C2orf78: variants seen among roughly 807,000 people sequenced by gnomAD.
C2orf78 encodes the protein chromosome 2 open reading frame 78.
Under a neutral mutation model 21.4 loss-of-function variants are expected in C2orf78, and 12 were observed. That is an observed-to-expected ratio of 0.56 (90% CI 0.36 to 0.91). The LOEUF (loss-of-function observed/expected upper bound fraction) is 0.91, where lower values mean the gene tolerates loss of function less well. Ranked by LOEUF, C2orf78 falls within the 40% of genes least tolerant of loss-of-function variation. The pLI, the probability that C2orf78 is intolerant of heterozygous loss-of-function variation, is 0.01. For missense variants in C2orf78, 1,042 were observed against 1,092.4 expected (o/e 0.95, Z 0.65); for synonymous variants, 396 against 413.9 (o/e 0.96, Z 0.52).
chr2:73,816,397 C>T, exon 3 of C2orf78: 8 of 1,613,896 alleles, frequency 5.0e-6, no homozygotes, highest in South Asian at 1.1e-5. Flanking sequence ...CCCTTTCTGA[C>T]CCTGGACCAA....
intron 1 of C2orf78, among the ~76,000 whole-genome samples, chr2:73,785,977 C>A (rs1421795712): frequency 6.6e-6 from 1 of 151,674 alleles, no homozygotes; most frequent in East Asian, 1.9e-4. Context: ...ACCCGAGAGG[C>A]AAAGGTTGTG....
exon 3 of C2orf78, chr2:73,816,722 C>T (rs985622803): frequency 2.5e-6 from 4 of 1,613,984 alleles, no homozygotes; most frequent in Non-Finnish European, 3.4e-6. Context: ...CTGCTGTGAC[C>T]AGTCTCCGGT....
At chr2:73,815,375 T>A (rs1204192407) in exon 3 of C2orf78, 1 of 1,613,894 alleles carries the variant, frequency 6.2e-7, no homozygotes, top group Non-Finnish European at 8.5e-7. Flanking sequence ...GAAATCAAGA[T>A]CCTCCACTAC....
chr2:73,809,844 G>C (rs1312755019), intron 1 of C2orf78, among the ~76,000 whole-genome samples: 1 of 152,120 alleles, frequency 6.6e-6, no homozygotes, highest in Non-Finnish European at 1.5e-5. Flanking sequence ...ATCTAAACTA[G>C]GTGGAAAGAG....
intron 1 of C2orf78, among the ~76,000 whole-genome samples, chr2:73,810,824 A>T (rs1673073045): frequency 7.4e-6 from 1 of 134,594 alleles, no homozygotes; most frequent in Non-Finnish European, 1.5e-5. Flanking sequence ...TAATTAATAT[A>T]CATGTATGTT....
At chr2:73,810,754 T>C (rs2103981816) in intron 1 of C2orf78, among the ~76,000 whole-genome samples, 1 of 132,256 alleles carries the variant, frequency 7.6e-6, no homozygotes, top group Admixed American at 8.3e-5. Context: ...GTATATTTTA[T>C]GTATATATAA....
chr2:73,816,509 G>A (rs761625200), exon 3 of C2orf78: 29 of 1,613,734 alleles, frequency 1.8e-5, no homozygotes, highest in Middle Eastern at 1.6e-4. Context: ...CAGCTCAATC[G>A]AATGCAGTCA....
At chr2:73,812,647 A>G (rs566015570) in intron 1 of C2orf78, among the ~76,000 whole-genome samples, 1 of 152,230 alleles carries the variant, frequency 6.6e-6, no homozygotes, top group East Asian at 1.9e-4. Context: ...TTAAAAATGC[A>G]AAAAATTAGC....
chr2:73,784,454 A>G, intron 1 of C2orf78, 48 bp downstream of exon 1: 1 of 612,646 alleles, frequency 1.6e-6, no homozygotes, highest in Non-Finnish European at 2.8e-6. Flanking sequence ...TTTCTTTGCC[A>G]CTAAATTTAG....
At chr2:73,813,402 A>G in intron 1 of C2orf78, 75 bp from the exon 2 acceptor site, 1 of 1,396,690 alleles carries the variant, frequency 7.2e-7, no homozygotes, top group Non-Finnish European at 9.5e-7. Context: ...CAACCTTAAG[A>G]TAATGCTAGT....
chr2:73,812,908 T>C (rs1049334067), intron 1 of C2orf78, among the ~76,000 whole-genome samples: 15 of 152,110 alleles, frequency 9.9e-5, no homozygotes, highest in Admixed American at 5.9e-4. Context: ...ATTATAAAGG[T>C]AATAGCTGTA....
exon 3 of C2orf78, chr2:73,816,368 G>A: frequency 6.2e-7 from 1 of 1,613,844 alleles, no homozygotes; most frequent in Non-Finnish European, 8.5e-7. Flanking sequence ...CACCTGGGAA[G>A]GTCAAGTTGA....
At chr2:73,812,360 T>G (rs559950393) in intron 1 of C2orf78, among the ~76,000 whole-genome samples, 42 of 152,360 alleles carry the variant, frequency 2.8e-4, no homozygotes, top group Non-Finnish European at 4.9e-4. Context: ...GTCTGTTTTT[T>G]CAGAACTTAC....
exon 2 of C2orf78, chr2:73,813,649 G>T: frequency 6.2e-7 from 1 of 1,613,990 alleles, no homozygotes; most frequent in Non-Finnish European, 8.5e-7. Flanking sequence ...CCTCCTTCCA[G>T]CCACTCATGG....
At chr2:73,807,179 CAAAA>C (rs1279850153) in intron 1 of C2orf78, among the ~76,000 whole-genome samples, 1 of 47,272 alleles carries the variant, frequency 2.1e-5, no homozygotes, top group Admixed American at 2.2e-4. Flanking sequence ...GACTCTGTCT[CAAAA>C]AAAAAAAAAA....
At chr2:73,811,514 C>T (rs1405167963) in intron 1 of C2orf78, among the ~76,000 whole-genome samples, 1 of 152,110 alleles carries the variant, frequency 6.6e-6, no homozygotes, top group Non-Finnish European at 1.5e-5. Flanking sequence ...CAAGTAAAAG[C>T]TGCTTTTTTA....
At chr2:73,812,216 G>A (rs563861405) in intron 1 of C2orf78, among the ~76,000 whole-genome samples, 1 of 152,078 alleles carries the variant, frequency 6.6e-6, no homozygotes, top group Non-Finnish European at 1.5e-5. Flanking sequence ...ATACTATTCA[G>A]TTTCCTAATG....
chr2:73,814,558 G>GA, intron 2 of C2orf78, among the ~76,000 whole-genome samples: 1 of 152,168 alleles, frequency 6.6e-6, no homozygotes, highest in Admixed American at 6.5e-5. Context: ...TCTTTGGAAG[G>GA]CACTTCAGAA....
chr2:73,785,773 T>A (rs71418705), intron 1 of C2orf78, among the ~76,000 whole-genome samples: 3,090 of 151,922 alleles, frequency 0.02, 140 homozygotes, highest in African/African-American at 0.071. Context: ...GAGGCCAGGC[T>A]CGGTGGCTTA....
Sources: allele counts gnomAD v4.1 joint callset (sites outside exome capture counted in the v4.1 genomes callset), GRCh38; gene constraint gnomAD v4.1.1; transcripts MANE v1.5; gene names NCBI Gene and HGNC (gene_info 2026-07-23, HGNC 2026-07-21).